The following INO80 variants were observed in gnomAD, a reference collection of about 807,000 sequenced individuals.
INO80 encodes chromatin-remodeling ATPase INO80.
A neutral mutation model predicts 203.4 loss-of-function variants in INO80; 20 were observed. The observed-to-expected ratio is 0.10, with a 90% CI of 0.07 to 0.14. INO80 has a LOEUF of 0.14. Ranked by LOEUF, INO80 falls within the 10% of genes least tolerant of loss-of-function variation. The pLI is 1.00. For synonymous variants in INO80, 726 were observed against 685.2 expected, an observed-to-expected ratio of 1.06 and a Z score of -0.93; for missense variants, 1,419 against 1,914.4, an observed-to-expected ratio of 0.74 and a Z score of 4.83.
intron 29 of INO80, among the ~76,000 whole-genome samples, chr15:40,989,154 G>A (rs1333457056): frequency 1.3e-5 from 2 of 152,222 alleles, no homozygotes; most frequent in African/African-American, 2.4e-5. Context: ...ACTCCAGCCT[G>A]GGCAACAAGA....
intron 11 of INO80, 38 bp from the exon 12 acceptor site, chr15:41,072,096 AAG>A: frequency 2.2e-6 from 3 of 1,363,276 alleles, no homozygotes; most frequent in Non-Finnish European, 3.0e-6. Flanking sequence ...AAAAAAAAAA[AAG>A]AGGAAAAATA....
intron 19 of INO80, among the ~76,000 whole-genome samples, chr15:41,053,640 G>GTA (rs2044926573): frequency 6.6e-6 from 1 of 152,076 alleles, no homozygotes; most frequent in Admixed American, 6.6e-5. Context: ...TAAGAGAGAG[G>GTA]TAGAGTTAAT....
intron 15 of INO80, among the ~76,000 whole-genome samples, chr15:41,059,129 T>G (rs2045055255): frequency 6.6e-6 from 1 of 151,664 alleles, no homozygotes; most frequent in African/African-American, 2.4e-5. Flanking sequence ...TTTTTTTATT[T>G]TATTTTATTT....
At chr15:41,026,883 C>A (rs79498877) in intron 25 of INO80, among the ~76,000 whole-genome samples, 2,457 of 152,316 alleles carry the variant, frequency 0.016, 30 homozygotes, top group Non-Finnish European at 0.025. Flanking sequence ...CCAATTAAAG[C>A]CTTTCCAGCA....
At chr15:40,995,704 A>C (rs2043872285) in intron 29 of INO80, among the ~76,000 whole-genome samples, 1 of 152,238 alleles carries the variant, frequency 6.6e-6, no homozygotes, top group Non-Finnish European at 1.5e-5. Context: ...ACTCACATTG[A>C]GAGTATGACT....
chr15:41,095,965 C>A (rs559691837), intron 2 of INO80, 37 bp from the exon 3 acceptor site: 3 of 1,573,716 alleles, frequency 1.9e-6, no homozygotes, highest in African/African-American at 2.7e-5. Context: ...TTACAGCTGA[C>A]CCAATAAAAT....
intron 24 of INO80, among the ~76,000 whole-genome samples, chr15:41,041,093 ACT>A (rs2140510456): frequency 6.6e-6 from 1 of 152,128 alleles, no homozygotes; most frequent in South Asian, 2.1e-4. Flanking sequence ...AGAGGGTCTC[ACT>A]CTGTCACTCT....
Position 41,049,281 on chromosome 15 carries a change from C to T in INO80, c.2576+6G>A. ...TAATAGTGAACAGATAGTAATACTT[C>T]CCTACCTGTCTCGTGAATGATTGAA... On this transcript the variant is annotated splice_donor_region_variant and intron_variant, in intron 21 of 35. Coordinates refer to ENST00000648947, the MANE Select transcript of INO80 (RefSeq NM_017553.3). 2 of 1,609,446 alleles carry T rather than the reference C, an allele frequency of 1.2e-6. No individual in the cohort carries two copies. The highest frequency in any genetic ancestry group is 1.1e-5 in the South Asian group (1 of 90,410).
chr15:41,090,755 CTA>C (rs2045626500), intron 5 of INO80, among the ~76,000 whole-genome samples: 1 of 151,756 alleles, frequency 6.6e-6, no homozygotes, highest in African/African-American at 2.4e-5. Flanking sequence ...GAATTGCACA[CTA>C]TATAAGGCTG....
intron 14 of INO80, among the ~76,000 whole-genome samples, chr15:41,066,985 A>G (rs1214741895): frequency 1.3e-5 from 2 of 152,202 alleles, no homozygotes; most frequent in Non-Finnish European, 2.9e-5. Flanking sequence ...AAAGGCATCA[A>G]TGACATTAGT....
At position 40,980,145 on chromosome 15, in the gene INO80, G is replaced by C. The variant is rs1048963018; in HGVS notation, c.*78C>G. The C allele has an allele frequency of 1.8e-5, 21 of 1,197,522 alleles. No individual in the cohort carries two copies. In the African/African-American group the frequency reaches 2.9e-4, roughly 16 times the overall value. 74.2% of individuals were successfully genotyped at this position (1,197,522 alleles called of 1,614,324 possible). ...ACTCAGGATGCAAGATGCTGCACGG[G>C]GCAAGCCATCCAAAGACCACTGGCA... On this transcript the variant is annotated 3_prime_UTR_variant, in exon 36 of 36. Transcript: ENST00000648947.
At chr15:41,030,222 T>C (rs916471238) in intron 24 of INO80, among the ~76,000 whole-genome samples, 26 of 152,232 alleles carry the variant, frequency 1.7e-4, no homozygotes, top group African/African-American at 4.6e-4. Flanking sequence ...TTCAGCACTG[T>C]AGTTATTACT....
chr15:41,066,831 GAA>G (rs11476914), intron 14 of INO80, among the ~76,000 whole-genome samples: 80 of 85,726 alleles, frequency 9.3e-4, no homozygotes, highest in Non-Finnish European at 1.3e-3. Context: ...ATGTCTCTAA[GAA>G]AAAAAAAAAA....
At chr15:40,997,390 G>A in intron 29 of INO80, 139 bp downstream of exon 29, 1 of 610,570 alleles carries the variant, frequency 1.6e-6, no homozygotes, top group Non-Finnish European at 3.0e-6. Flanking sequence ...TAACACAAGA[G>A]GCAAAGAAAT....
chr15:41,069,514 G>A lies in INO80; in HGVS notation c.1782+56C>T, dbSNP rs1312647913. ...AGTAATTAGTAGGGCAAGAAAAGGA[G>A]AGTCAAAAAGTTTATTTTAAAGAGC... On this transcript the variant is annotated intron_variant, in intron 14 of 35. Coordinates refer to ENST00000648947, the MANE Select transcript of INO80 (RefSeq NM_017553.3). 21 of 1,039,972 alleles carry A rather than the reference G, an allele frequency of 2.0e-5. No homozygotes were observed. In the East Asian group the frequency reaches 3.9e-4, roughly 19 times the overall value. The allele number at this position is 1,039,972 out of a possible 1,614,324, so 64.4% of individuals were successfully genotyped here.
chr15:40,993,715 AG>A (rs892361000), intron 29 of INO80, among the ~76,000 whole-genome samples: 34 of 152,194 alleles, frequency 2.2e-4, no homozygotes, highest in African/African-American at 7.2e-4. Context: ...GCCGAGATCA[AG>A]CCACTGCACT....
At chr15:41,102,286 TTA>T (rs1434711240) in intron 1 of INO80, among the ~76,000 whole-genome samples, 7 of 152,250 alleles carry the variant, frequency 4.6e-5, no homozygotes, top group African/African-American at 1.7e-4. Flanking sequence ...GTTACTTTAT[TTA>T]TGTTTCCCCA....
chr15:40,999,166 T>C (rs1173567359), intron 28 of INO80: 1 of 152,134 alleles, frequency 6.6e-6, no homozygotes, highest in Non-Finnish European at 1.5e-5. Flanking sequence ...GGTACTAAAA[T>C]CACAGTGTAA....
At chr15:41,037,764 G>A (rs1426751136) in intron 24 of INO80, among the ~76,000 whole-genome samples, 2 of 151,962 alleles carry the variant, frequency 1.3e-5, no homozygotes, top group South Asian at 2.1e-4. Flanking sequence ...CCCACATGGC[G>A]AAACCCCACC....
Sources: gnomAD v4.1 joint callset for allele counts (sites outside exome capture counted in the v4.1 genomes callset) on GRCh38, gnomAD v4.1.1 for gene constraint, MANE v1.5 for transcripts, NCBI Gene and HGNC (gene_info 2026-07-23, HGNC 2026-07-21) for gene names.